ATP8A2: variants seen among roughly 807,000 people sequenced by gnomAD.
ATP8A2 encodes ATPase phospholipid transporting 8A2.
In ATP8A2, 100 loss-of-function variants were observed where a neutral mutation model predicts 165.6. The ratio of observed to expected loss-of-function variants is 0.60; its 90% CI spans 0.51 to 0.71. The LOEUF (loss-of-function observed/expected upper bound fraction) is 0.71. ATP8A2 is among the 30% of genes least tolerant of loss of function. The probability of loss-of-function intolerance (pLI) is 0.00; values close to 1 mark genes in which losing one functional copy is unlikely to be tolerated. For missense variants in ATP8A2, 1,227 were observed against 1,479.5 expected (o/e 0.83, Z 2.80); for synonymous variants, 543 against 548.8 (o/e 0.99, Z 0.15).
At chr13:25,902,802 C>T (rs1953798402) in intron 33 of ATP8A2, among the ~76,000 whole-genome samples, 1 of 152,170 alleles carries the variant, frequency 6.6e-6, no homozygotes, top group African/African-American at 2.4e-5. Flanking sequence ...GCCCAGACCT[C>T]TTCCTGAACC....
intron 24 of ATP8A2, among the ~76,000 whole-genome samples, chr13:25,639,560 A>G (rs2041459902): frequency 6.6e-6 from 1 of 152,232 alleles, no homozygotes; most frequent in Non-Finnish European, 1.5e-5. Flanking sequence ...TAACTATCCT[A>G]AATATATATG....
intron 24 of ATP8A2, among the ~76,000 whole-genome samples, chr13:25,630,405 C>T (rs530455675): frequency 1.3e-5 from 2 of 152,304 alleles, no homozygotes; most frequent in East Asian, 3.9e-4. Context: ...TGAGCCCTTT[C>T]CCTTTTCCAT....
intron 24 of ATP8A2, among the ~76,000 whole-genome samples, chr13:25,677,996 C>G (rs2042405815): frequency 6.6e-6 from 1 of 152,054 alleles, no homozygotes; most frequent in African/African-American, 2.4e-5. Flanking sequence ...TACAGAAAGT[C>G]AAATTTTAAT....
Position 25,649,096 on chromosome 13 carries a change from G to C in ATP8A2, c.2212-50077G>C, listed in dbSNP as rs114665309. ...GTCCATGTAATCCTTGTGTCCTTGC[G>C]TTGGTGTTTGTGTACTTGAGATAAC... On this transcript the variant is annotated intron_variant, in intron 24 of 36. Transcript: ENST00000381655. The C allele has an allele frequency of 2.3e-5, 11 of 473,118 alleles. No homozygotes were observed. In the Admixed American group the frequency reaches 2.5e-4, roughly 11 times the overall value. The allele number at this position is 473,118 out of a possible 1,614,324, so 29.3% of individuals were successfully genotyped here.
At chr13:25,575,263 A>G (rs2039583885) in intron 19 of ATP8A2, among the ~76,000 whole-genome samples, 1 of 152,214 alleles carries the variant, frequency 6.6e-6, no homozygotes, top group Admixed American at 6.5e-5. Context: ...GAAACTGACA[A>G]ATGATGACAG....
intron 30 of ATP8A2, among the ~76,000 whole-genome samples, chr13:25,841,595 G>C (rs1951748099): frequency 6.6e-6 from 1 of 152,136 alleles, no homozygotes. Flanking sequence ...CTCACTGTTA[G>C]TACAGAGAAA....
At chr13:25,388,086 T>TA (rs1211622833) in intron 1 of ATP8A2, among the ~76,000 whole-genome samples, 7 of 151,748 alleles carry the variant, frequency 4.6e-5, no homozygotes, top group Non-Finnish European at 5.9e-5. Context: ...ATCTCTTTAC[T>TA]AGTGTTTTCA....
At chr13:25,451,924 G>A (rs1216611057) in intron 1 of ATP8A2, among the ~76,000 whole-genome samples, 4 of 150,132 alleles carry the variant, frequency 2.7e-5, no homozygotes, top group South Asian at 4.2e-4. Context: ...GCGTGATCTC[G>A]GCTCACTGTG....
rs904042700 is a variant in ATP8A2, at chr13:25,574,897, A to G, written c.1712+40A>G. On this transcript the variant is annotated intron_variant, in intron 19 of 36. Coordinates refer to ENST00000381655, the MANE Select transcript of ATP8A2 (RefSeq NM_016529.6). ...CATACGTTTGAAATAAAATAATTAT[A>G]TTTATTTACCAGCTTCATCAGAGTG... The G allele has an allele frequency of 2.6e-6, 3 of 1,144,496 alleles. No individual in the cohort carries two copies. In the South Asian group the frequency reaches 3.9e-5, roughly 15 times the overall value. 70.9% of individuals were successfully genotyped at this position (1,144,496 alleles called of 1,614,324 possible). A position where few individuals can be genotyped will look rare whatever the true frequency, so the allele number is the denominator to read the frequency against.
intron 23 of ATP8A2, 95 bp from the exon 24 acceptor site, chr13:25,589,540 T>A (rs2040011983): frequency 9.2e-6 from 8 of 869,052 alleles, no homozygotes; most frequent in South Asian, 9.1e-5. Context: ...TGTGAGCCAA[T>A]AGGCTTAAAG....
chr13:25,518,378 A>G, intron 2 of ATP8A2, among the ~76,000 whole-genome samples: 1 of 152,304 alleles, frequency 6.6e-6, no homozygotes, highest in East Asian at 1.9e-4. Context: ...AGCCTCCTTT[A>G]TTCTTTCAGT....
chr13:25,429,597 A>T (rs2034548931), intron 1 of ATP8A2, among the ~76,000 whole-genome samples: 1 of 152,060 alleles, frequency 6.6e-6, no homozygotes, highest in South Asian at 2.1e-4. Context: ...AGTCACCTTA[A>T]TAGACTGCCA....
At chr13:25,819,670 CTG>C (rs1951120400) in intron 27 of ATP8A2, among the ~76,000 whole-genome samples, 1 of 146,702 alleles carries the variant, frequency 6.8e-6, no homozygotes. Context: ...TTTTTTTTGT[CTG>C]TGCTTTCTAT....
At position 25,695,409 on chromosome 13, in the gene ATP8A2, GACA is replaced by G. The variant is rs545231520; in HGVS notation, c.2212-3759_2212-3757del. ...TGGTTTTGGCAATTTCTCAAAATAA[GACA>G]ACAATAAAGTTTGCTGCATCTGTTG... On this transcript the variant is annotated intron_variant, in intron 24 of 36. Transcript: ENST00000381655. 5.3e-3 allele frequency among the ~76,000 whole-genome samples: 807 copies of G among 152,248 alleles called. 5 individuals carry two copies. Among genetic ancestry groups the G allele is most frequent in the Non-Finnish European group, 8.6e-3 (588 of 68,010 alleles).
At chr13:25,805,959 G>A (rs1950725131) in intron 27 of ATP8A2, among the ~76,000 whole-genome samples, 1 of 152,132 alleles carries the variant, frequency 6.6e-6, no homozygotes, top group African/African-American at 2.4e-5. Flanking sequence ...ATAACAGTAT[G>A]CAGTGCTCTA....
At chr13:25,382,685 C>T (rs998878711) in intron 1 of ATP8A2, among the ~76,000 whole-genome samples, 1 of 151,418 alleles carries the variant, frequency 6.6e-6, no homozygotes, top group Admixed American at 6.6e-5. Flanking sequence ...TGACATATGA[C>T]GTTGAGAATC....
intron 4 of ATP8A2, among the ~76,000 whole-genome samples, chr13:25,531,167 GTT>G (rs2038026151): frequency 1.3e-5 from 1 of 76,040 alleles, no homozygotes; most frequent in Non-Finnish European, 2.9e-5. Context: ...TGATATATAT[GTT>G]ATATGATATA....
chr13:25,457,361 G>A lies in ATP8A2; in HGVS notation c.77-11616G>A, dbSNP rs376495008. ...AAATGCCACTCTCATTTATATAAAG[G>A]TCAGATAGATGATTTATGTAGGTAA... is the stretch of plus-strand genomic sequence containing the variant. On this transcript the variant is annotated intron_variant, in intron 1 of 36. Coordinates refer to ENST00000381655, the MANE Select transcript of ATP8A2 (RefSeq NM_016529.6). Among the ~76,000 whole-genome samples, 28 of 152,168 alleles carry A rather than the reference G, an allele frequency of 1.8e-4. No individual in the cohort carries two copies. The South Asian group carries it at 5.8e-3, about 32-fold the overall frequency.
At chr13:25,572,717 C>T (rs1323155142) in intron 18 of ATP8A2, among the ~76,000 whole-genome samples, 1 of 152,160 alleles carries the variant, frequency 6.6e-6, no homozygotes, top group East Asian at 1.9e-4. Context: ...TGGGGCTAGT[C>T]CCTGCCATCC....
Sources: gnomAD v4.1 joint callset for allele counts (sites outside exome capture counted in the v4.1 genomes callset) on GRCh38, gnomAD v4.1.1 for gene constraint, MANE v1.5 for transcripts, NCBI Gene and HGNC (gene_info 2026-07-23, HGNC 2026-07-21) for gene names.